Variants in MICAL3 observed in about 807,000 individuals in gnomAD.
MICAL3 encodes [F-actin]-monooxygenase MICAL3.
MICAL3 carries 62 observed loss-of-function variants against 207.4 expected under a neutral mutation model. The observed-to-expected ratio is 0.30, with a 90% CI of 0.24 to 0.37. The LOEUF is 0.37. Ranked by LOEUF, MICAL3 falls within the 10% of genes least tolerant of loss-of-function variation. The pLI, the probability that MICAL3 is intolerant of heterozygous loss-of-function variation, is 1.00. For synonymous variants in MICAL3, 1,077 were observed against 1,069.3 expected, an observed-to-expected ratio of 1.01 and a Z score of -0.14; for missense variants, 2,368 against 2,635.6, an observed-to-expected ratio of 0.90 and a Z score of 2.22.
chr22:17,804,786 C>A (rs2061973866), intron 29 of MICAL3, among the ~76,000 whole-genome samples: 1 of 152,182 alleles, frequency 6.6e-6, no homozygotes, highest in Admixed American at 6.5e-5. Flanking sequence ...CCTCCGGTCC[C>A]ACCTGAGGGC....
intron 19 of MICAL3, chr22:17,860,231 C>T (rs1926366930): frequency 2.0e-6 from 2 of 984,344 alleles, no homozygotes; most frequent in Non-Finnish European, 2.4e-6. Context: ...AGCACGACAA[C>T]TTGGTTTCAC....
rs1345082633 is a variant in MICAL3 at position 17,841,799 on chromosome 22, G to A, written c.2801+23C>T. 12 of 1,539,092 alleles carry A rather than the reference G, an allele frequency of 7.8e-6. No homozygotes were observed. The East Asian group carries it at 1.5e-4, about 19-fold the overall frequency. ...TCTTAGGGCCGTGTGGCGGGTGGGCGCCCTGCAGCCCTGCGTGCTGACCTG... is the reference window on the plus strand; with the variant it reads ...TCTTAGGGCCGTGTGGCGGGTGGGCACCCTGCAGCCCTGCGTGCTGACCTG... On this transcript the variant is annotated intron_variant, in intron 20 of 31. Transcript: ENST00000441493. The surrounding 1 kb of genome is among the most constrained non-coding windows in gnomAD (Gnocchi z 4.2).
chr22:17,838,081 G>C (rs532463660), intron 20 of MICAL3, among the ~76,000 whole-genome samples: 5 of 152,284 alleles, frequency 3.3e-5, no homozygotes, highest in Admixed American at 2.6e-4. Context: ...CTGGGATTAC[G>C]GGTGTGAGCC....
chr22:17,862,427 T>C, intron 19 of MICAL3: 1 of 469,288 alleles, frequency 2.1e-6, no homozygotes. Flanking sequence ...ACCCGGCTAA[T>C]TTTTTTGTAT....
intron 1 of MICAL3, among the ~76,000 whole-genome samples, chr22:18,000,076 A>T (rs1417068407): frequency 6.6e-6 from 1 of 152,186 alleles, no homozygotes; most frequent in Non-Finnish European, 1.5e-5. Flanking sequence ...CGCAGGCGGC[A>T]GCGACTGTAG....
intron 13 of MICAL3, among the ~76,000 whole-genome samples, 168 bp from the exon 14 acceptor site, chr22:17,887,603 T>C (rs1018412528): frequency 3.9e-5 from 6 of 152,206 alleles, no homozygotes; most frequent in African/African-American, 1.4e-4. Context: ...ACGGAGGAAA[T>C]GCATACTTGG....
Position 17,857,398 on chromosome 22 carries a change from T to C in MICAL3, c.2605+7501A>G, listed in dbSNP as rs146426161. ...GGCCTGATGATCTGAGGTGGAAGAGTTTCATCCCAAAACCACTGCCCACCC... is the reference window on the plus strand; with the variant it reads ...GGCCTGATGATCTGAGGTGGAAGAGCTTCATCCCAAAACCACTGCCCACCC... On this transcript the variant is annotated intron_variant, in intron 19 of 31. Coordinates refer to ENST00000441493, the MANE Select transcript of MICAL3 (RefSeq NM_015241.3). 3.5e-3 allele frequency among the ~76,000 whole-genome samples: 526 copies of C among 151,914 alleles called. 2 individuals carry two copies. The highest frequency in any genetic ancestry group is 0.012 in the African/African-American group (508 of 41,436).
rs572205956 is a variant in MICAL3, at chr22:17,789,265, C to T, written c.*1467G>A. On this transcript the variant is annotated 3_prime_UTR_variant, in exon 32 of 32. Coordinates refer to ENST00000441493, the MANE Select transcript of MICAL3 (RefSeq NM_015241.3). ...TCCACTGCAGCACTCGCGTTTCCGT[C>T]TGGGTGAATCTTAGGCTGGGAGGAG... is the stretch of plus-strand genomic sequence containing the variant. 2 of 152,284 alleles carry T rather than the reference C, an allele frequency of 1.3e-5. No individual in the cohort carries two copies. Among genetic ancestry groups the T allele is most frequent in the South Asian group, 4.1e-4 (2 of 4,836 alleles). 9.4% of individuals were successfully genotyped at this position (152,284 alleles called of 1,614,324 possible).
rs976022294 is a variant in MICAL3 at position 17,887,151 on chromosome 22, T to C, written c.2067+19A>G. ...CTATTCCACATGACCATTCTAGCAATTCCCCAAGTGAATCTCACCTCCTCT... is the reference window on the plus strand; with the variant it reads ...CTATTCCACATGACCATTCTAGCAACTCCCCAAGTGAATCTCACCTCCTCT... On this transcript the variant is annotated intron_variant, in intron 15 of 31. Transcript: ENST00000441493. The C allele has an allele frequency of 1.2e-6, 2 of 1,607,276 alleles. No individual in the cohort carries two copies. Among genetic ancestry groups the C allele is most frequent in the South Asian group, 1.1e-5 (1 of 90,634 alleles).
At chr22:17,843,120 CA>C (rs71966425) in intron 19 of MICAL3, among the ~76,000 whole-genome samples, 5,345 of 62,658 alleles carry the variant, frequency 0.085, 72 homozygotes, top group South Asian at 0.16. Context: ...GACTTCATCT[CA>C]AAAAAAAAAA....
chr22:18,008,342 A>G (rs907032572), intron 1 of MICAL3, among the ~76,000 whole-genome samples: 14 of 152,218 alleles, frequency 9.2e-5, no homozygotes, highest in Non-Finnish European at 1.6e-4. Context: ...ATGAACCCCA[A>G]GGGCATTCAG....
intron 1 of MICAL3, among the ~76,000 whole-genome samples, chr22:17,985,339 A>G (rs12169946): frequency 0.27 from 41,163 of 151,758 alleles, 6,084 homozygotes; most frequent in African/African-American, 0.37. Flanking sequence ...GACTTCCAAC[A>G]TGAACCGTGA....
intron 1 of MICAL3, among the ~76,000 whole-genome samples, chr22:17,919,076 GTT>G (rs35096617): frequency 1.2e-4 from 16 of 136,474 alleles, no homozygotes; most frequent in Non-Finnish European, 2.0e-4. Flanking sequence ...GTTTTTGTGG[GTT>G]TTTTTTTTTT....
chr22:17,885,410 C>T (rs147069512), intron 16 of MICAL3, among the ~76,000 whole-genome samples: 8 of 151,850 alleles, frequency 5.3e-5, no homozygotes, highest in African/African-American at 1.7e-4. Context: ...AAAGGAGAAT[C>T]GAAAAGTATA....
intron 1 of MICAL3, among the ~76,000 whole-genome samples, chr22:17,939,163 G>A (rs747916919): frequency 1.7e-4 from 26 of 152,192 alleles, no homozygotes; most frequent in Non-Finnish European, 2.4e-4. Context: ...CTTGCCATGT[G>A]ATCAGCCCTG....
At chr22:17,941,157 G>T (rs544144664) in intron 1 of MICAL3, among the ~76,000 whole-genome samples, 2 of 152,112 alleles carry the variant, frequency 1.3e-5, no homozygotes, top group African/African-American at 4.8e-5. Flanking sequence ...TGCTCTCTTC[G>T]TCTCATAACA....
chr22:18,002,308 A>C (rs764107676), intron 1 of MICAL3, among the ~76,000 whole-genome samples: 4 of 151,524 alleles, frequency 2.6e-5, no homozygotes, highest in Non-Finnish European at 4.4e-5. Flanking sequence ...GGGGAATTTC[A>C]AATTTTTGGA....
At chr22:17,880,422 G>A (rs1227255191) in intron 16 of MICAL3, among the ~76,000 whole-genome samples, 1 of 151,994 alleles carries the variant, frequency 6.6e-6, no homozygotes, top group Admixed American at 6.6e-5. Flanking sequence ...AAGGCACCCA[G>A]CAGCTGCTCA....
chr22:17,916,365 C>A (rs759167679), intron 1 of MICAL3, among the ~76,000 whole-genome samples: 1 of 152,184 alleles, frequency 6.6e-6, no homozygotes, highest in Non-Finnish European at 1.5e-5. Flanking sequence ...CCTCACCCCA[C>A]TGAACTGTCT....
Sources: gnomAD v4.1 joint callset for allele counts (sites outside exome capture counted in the v4.1 genomes callset) on GRCh38, gnomAD v4.1.1 for gene constraint, Gnocchi (gnomAD v3.1) non-coding constraint, MANE v1.5 for transcripts, NCBI Gene and HGNC (gene_info 2026-07-23, HGNC 2026-07-21) for gene names.